The following MEIS2 variants were observed in gnomAD, a reference collection of about 807,000 sequenced individuals.
MEIS2 encodes homeobox protein Meis2.
A neutral mutation model predicts 58.6 loss-of-function variants in MEIS2; 9 were observed. That is an observed-to-expected ratio of 0.15 (90% CI 0.09 to 0.27). The LOEUF (loss-of-function observed/expected upper bound fraction) is 0.27, where lower values mean the gene tolerates loss of function less well. Ranked by LOEUF, MEIS2 falls within the 10% of genes least tolerant of loss-of-function variation. MEIS2 has a pLI of 1.00. For missense variants in MEIS2, 427 were observed against 635.0 expected, an observed-to-expected ratio of 0.67 and a Z score of 3.52; for synonymous variants, 221 against 228.4, an observed-to-expected ratio of 0.97 and a Z score of 0.29.
At chr15:36,902,768 C>G (rs1179745117) in intron 9 of MEIS2, among the ~76,000 whole-genome samples, 1 of 152,144 alleles carries the variant, frequency 6.6e-6, no homozygotes, top group African/African-American at 2.4e-5. Context: ...TAGATCTAAA[C>G]AGCCTTTTAC....
chr15:37,077,811 G>C (rs1468510204), intron 7 of MEIS2, among the ~76,000 whole-genome samples: 2 of 151,996 alleles, frequency 1.3e-5, no homozygotes, highest in Non-Finnish European at 2.9e-5. Flanking sequence ...ACAGCAACAA[G>C]AGCTGATCAT....
At chr15:36,954,671 T>C (rs1305576673) in intron 8 of MEIS2, among the ~76,000 whole-genome samples, 1 of 152,066 alleles carries the variant, frequency 6.6e-6, no homozygotes, top group Non-Finnish European at 1.5e-5. Context: ...TAAGTCTGAC[T>C]CACTTGCTGG....
intron 8 of MEIS2, among the ~76,000 whole-genome samples, chr15:36,974,168 A>T (rs369597275): frequency 2.6e-5 from 4 of 152,234 alleles, no homozygotes; most frequent in African/African-American, 9.6e-5. Context: ...TCATTATTTC[A>T]GAACATTCTA....
At chr15:37,050,558 G>T (rs2062872948) in intron 7 of MEIS2, among the ~76,000 whole-genome samples, 2 of 152,084 alleles carry the variant, frequency 1.3e-5, no homozygotes. Context: ...AGAGAACAGG[G>T]GCCCTAAATT....
intron 3 of MEIS2, 167 bp from the exon 4 acceptor site, chr15:37,095,781 A>C: frequency 1.1e-6 from 1 of 931,302 alleles, no homozygotes; most frequent in African/African-American, 1.7e-5. Context: ...CTGAAGAAGA[A>C]TCAGGGCATT....
chr15:37,041,213 G>A (rs1468338467), intron 7 of MEIS2, among the ~76,000 whole-genome samples: 1 of 152,212 alleles, frequency 6.6e-6, no homozygotes, highest in Non-Finnish European at 1.5e-5. Context: ...TGTGAGAAAT[G>A]CAAATTCTCA....
intron 8 of MEIS2, among the ~76,000 whole-genome samples, chr15:37,000,381 C>T (rs1201996528): frequency 2.6e-5 from 4 of 152,046 alleles, no homozygotes; most frequent in African/African-American, 9.7e-5. Context: ...CCACCATTAC[C>T]CAAGCTTGCC....
At chr15:36,999,667 C>T (rs189374301) in intron 8 of MEIS2, among the ~76,000 whole-genome samples, 12 of 152,272 alleles carry the variant, frequency 7.9e-5, no homozygotes, top group Middle Eastern at 3.4e-3. Context: ...TGACAACAAA[C>T]GCACTTTTCC....
Position 36,891,561 on chromosome 15 carries a change from C to T in MEIS2, c.*612G>A, listed in dbSNP as rs2055857569. The T allele has an allele frequency of 6.5e-6, 1 of 152,840 alleles. No homozygotes were observed. Among genetic ancestry groups the T allele is most frequent in the Admixed American group, 6.5e-5 (1 of 15,304 alleles). The allele number at this position is 152,840 out of a possible 1,614,324, so 9.5% of individuals were successfully genotyped here. The stretch of plus-strand genomic sequence containing the variant: ...CCCCAAAAATAATAATAAGAATTGG[C>T]TTATGAAGCACGAACTATAAAGATC... On this transcript the variant is annotated 3_prime_UTR_variant, in exon 12 of 12. Coordinates refer to ENST00000561208, the MANE Select transcript of MEIS2 (RefSeq NM_170675.5).
At chr15:37,043,793 T>C (rs1403863129) in intron 7 of MEIS2, among the ~76,000 whole-genome samples, 1 of 151,500 alleles carries the variant, frequency 6.6e-6, no homozygotes. Flanking sequence ...GTTCAAGCGA[T>C]TCTCCTGCTT....
At chr15:36,972,390 T>A (rs2059599490) in intron 8 of MEIS2, among the ~76,000 whole-genome samples, 1 of 152,130 alleles carries the variant, frequency 6.6e-6, no homozygotes, top group African/African-American at 2.4e-5. Flanking sequence ...CTCTACTGCT[T>A]GGCATGCTTC....
chr15:36,946,034 G>A (rs2058551585), intron 9 of MEIS2, among the ~76,000 whole-genome samples: 1 of 151,834 alleles, frequency 6.6e-6, no homozygotes, highest in Non-Finnish European at 1.5e-5. Flanking sequence ...AAATTAATCT[G>A]GAAATAGGAA....
chr15:36,954,989 A>G (rs145750455), intron 8 of MEIS2, among the ~76,000 whole-genome samples: 195 of 152,316 alleles, frequency 1.3e-3, no homozygotes, highest in Non-Finnish European at 2.0e-3. Flanking sequence ...ATAAAAATGC[A>G]TTGGGCAGAT....
At chr15:36,952,302 A>C (rs993498926) in intron 8 of MEIS2, among the ~76,000 whole-genome samples, 1 of 152,180 alleles carries the variant, frequency 6.6e-6, no homozygotes. Flanking sequence ...TTTTCCTGCC[A>C]AATTCAGGGG....
chr15:37,069,722 G>C (rs1890437616), intron 7 of MEIS2, among the ~76,000 whole-genome samples: 1 of 152,108 alleles, frequency 6.6e-6, no homozygotes, highest in Non-Finnish European at 1.5e-5. Flanking sequence ...CCAACAATAA[G>C]AGAGTCAGCG....
chr15:37,038,874 C>T (rs1039050435), intron 7 of MEIS2, among the ~76,000 whole-genome samples: 6 of 152,334 alleles, frequency 3.9e-5, no homozygotes, highest in East Asian at 3.9e-4. Flanking sequence ...CACGTGCACA[C>T]GCTTTCCACC....
In MEIS2 at chr15:37,007,841, A is replaced by T. The variant is rs147916016; in HGVS notation, c.900+28973T>A. ...TTGGTATTTTTGATAAATATCCTTG[A>T]TGTTTCATCAGTATGCTAACACCTA... On this transcript the variant is annotated intron_variant, in intron 8 of 11. Transcript: ENST00000561208. Among the ~76,000 whole-genome samples the T allele has an allele frequency of 8.9e-4, 136 of 152,330 alleles. 4 individuals carry two copies. The East Asian group carries it at 0.024, about 27-fold the overall frequency.
chr15:36,977,596 T>G (rs1173589236), intron 8 of MEIS2, among the ~76,000 whole-genome samples: 1 of 152,182 alleles, frequency 6.6e-6, no homozygotes, highest in Non-Finnish European at 1.5e-5. Flanking sequence ...TTTAATAGCA[T>G]AGTGCCCAAC....
intron 8 of MEIS2, among the ~76,000 whole-genome samples, chr15:37,007,954 T>C (rs1446078437): frequency 6.6e-6 from 1 of 152,180 alleles, no homozygotes; most frequent in African/African-American, 2.4e-5. Flanking sequence ...AAACCTAACA[T>C]TCTCCTCTTC....
Sources: allele counts gnomAD v4.1 joint callset (sites outside exome capture counted in the v4.1 genomes callset), GRCh38; gene constraint gnomAD v4.1.1; transcripts MANE v1.5; gene names NCBI Gene and HGNC (gene_info 2026-07-23, HGNC 2026-07-21).